Variants in DYNC2H1 observed in about 807,000 individuals in gnomAD.
DYNC2H1 encodes cytoplasmic dynein 2 heavy chain 1.
Under a neutral mutation model 570.0 loss-of-function variants are expected in DYNC2H1, and 410 were observed. That is an observed-to-expected ratio of 0.72 (90% CI 0.66 to 0.78). DYNC2H1 has a LOEUF of 0.78. DYNC2H1 is among the 30% of genes least tolerant of loss of function. The probability of loss-of-function intolerance (pLI) is 0.00; values close to 1 mark genes in which losing one functional copy is unlikely to be tolerated. For synonymous variants in DYNC2H1, 1,688 were observed against 1,677.6 expected (o/e 1.01, Z -0.15); for missense variants, 4,865 against 5,046.4 (o/e 0.96, Z 1.09).
At chr11:103,235,609 C>T in intron 61 of DYNC2H1, 63 bp from the exon 62 acceptor site, 1 of 1,440,154 alleles carries the variant, frequency 6.9e-7, no homozygotes, top group Non-Finnish European at 9.2e-7. Flanking sequence ...ATAAAACTGT[C>T]ATTTTCTTTA....
intron 69 of DYNC2H1, among the ~76,000 whole-genome samples, chr11:103,259,149 G>A (rs1340710604): frequency 6.6e-6 from 1 of 152,044 alleles, no homozygotes; most frequent in Non-Finnish European, 1.5e-5. Flanking sequence ...AAATCACAAG[G>A]AAGCAAGCAA....
intron 84 of DYNC2H1, among the ~76,000 whole-genome samples, chr11:103,420,462 T>G (rs974997790): frequency 1.3e-5 from 2 of 152,008 alleles, no homozygotes; most frequent in Admixed American, 6.6e-5. Flanking sequence ...GAAAAAGTAT[T>G]AAGGGCAGTC....
Position 103,156,760 on chromosome 11 carries a change from G to A in DYNC2H1, c.4117G>A (p.Glu1373Lys). Residue 1373 changes from glutamate (E) to lysine (K), a missense_variant, in exon 26 of 89, where the codon GAA becomes AAA. Coordinates refer to ENST00000375735, the MANE Select transcript of DYNC2H1 (RefSeq NM_001377.3). ...KEQTRFNRVD[E>K]DFRSIMTDIK... The stretch of plus-strand genomic sequence containing the variant: ...ACAGACACGCTTCAACAGAGTTGAT[G>A]AAGATTTTAGGTCAGTACAATGATG... 6.2e-7 allele frequency: 1 copy of A among 1,607,976 alleles called. No homozygotes were observed. Among genetic ancestry groups the A allele is most frequent in the Non-Finnish European group, 8.5e-7 (1 of 1,178,610 alleles).
chr11:103,335,031 C>T (rs1372115434), intron 82 of DYNC2H1, among the ~76,000 whole-genome samples: 1 of 152,016 alleles, frequency 6.6e-6, no homozygotes, highest in Non-Finnish European at 1.5e-5. Context: ...CCCATGATTA[C>T]CATATGTATT....
In DYNC2H1 at chr11:103,216,894, C is replaced by A. The variant is rs1017037738; in HGVS notation, c.8832+1036C>A. Among the ~76,000 whole-genome samples, 17 of 152,044 alleles carry A rather than the reference C, an allele frequency of 1.1e-4. 1 individual carries two copies. The highest frequency in any genetic ancestry group is 7.2e-5 in the African/African-American group (3 of 41,416). The stretch of plus-strand genomic sequence containing the variant: ...AAACTGAACTTATGAGTTTTCTTTC[C>A]TGTATTTCTTTCCTCAGATTATGGT... On this transcript the variant is annotated intron_variant, in intron 55 of 88. Transcript: ENST00000375735.
chr11:103,300,616 AT>A (rs1272612263), intron 75 of DYNC2H1, among the ~76,000 whole-genome samples: 10 of 152,016 alleles, frequency 6.6e-5, no homozygotes, highest in Admixed American at 4.6e-4. Flanking sequence ...ATTTTTCATG[AT>A]TTTTTTCTCC....
intron 84 of DYNC2H1, among the ~76,000 whole-genome samples, chr11:103,423,952 C>T (rs1943580156): frequency 6.6e-6 from 1 of 151,850 alleles, no homozygotes; most frequent in Admixed American, 6.6e-5. Flanking sequence ...GAACTTAATT[C>T]CACTTATAAT....
Position 103,253,451 on chromosome 11 carries a change from A to T in DYNC2H1, c.10206+3A>T. On this transcript the variant is annotated splice_donor_region_variant and intron_variant, in intron 66 of 88. Coordinates refer to ENST00000375735, the MANE Select transcript of DYNC2H1 (RefSeq NM_001377.3). ...CAAGAAGTGGATTACGAGGGCAGGT[A>T]TACATAGATAATAATAATTTACCTT... 1 of 1,597,728 alleles carries T rather than the reference A, an allele frequency of 6.3e-7. No homozygotes were observed. Among genetic ancestry groups the T allele is most frequent in the Non-Finnish European group, 8.5e-7 (1 of 1,170,604 alleles).
At position 103,439,004 on chromosome 11, in the gene DYNC2H1, A is replaced by G. The variant is rs2135760647; in HGVS notation, c.12456+2972A>G. Among the ~76,000 whole-genome samples, 1 of 152,252 alleles carries G rather than the reference A, an allele frequency of 6.6e-6. No homozygotes were observed. Among genetic ancestry groups the G allele is most frequent in the East Asian group, 1.9e-4 (1 of 5,178 alleles). On this transcript the variant is annotated intron_variant, in intron 85 of 88. Coordinates refer to ENST00000375735, the MANE Select transcript of DYNC2H1 (RefSeq NM_001377.3). The surrounding 1 kb of genome is among the most constrained non-coding windows in gnomAD (Gnocchi z 4.1). ...AAAAAAAGATAATTCCGCAAATGTG[A>G]TTAATACTTTCCTGGTGCCAAACAC...
At position 103,255,541 on chromosome 11, in the gene DYNC2H1, G is replaced by A. The variant is rs1042368609; in HGVS notation, c.10326+7G>A. On this transcript the variant is annotated splice_region_variant and intron_variant, in intron 67 of 88. Transcript: ENST00000375735. ...CGAAGAATCTCTTCTAGAGGTAAAAGTCTAGCTATTTAGGTTACTTTTTTC... is the reference window on the plus strand; with the variant it reads ...CGAAGAATCTCTTCTAGAGGTAAAAATCTAGCTATTTAGGTTACTTTTTTC... The A allele has an allele frequency of 6.5e-6, 10 of 1,529,276 alleles. No individual in the cohort carries two copies. The East Asian group carries it at 7.5e-5, about 11-fold the overall frequency. The allele number at this position is 1,529,276 out of a possible 1,614,324, so 94.7% of individuals were successfully genotyped here. A position where few individuals can be genotyped will look rare whatever the true frequency, so the allele number is the denominator to read the frequency against.
At position 103,211,882 on chromosome 11, in the gene DYNC2H1, T is replaced by C. The variant is rs202026739; in HGVS notation, c.8633T>C (p.Val2878Ala). 10 of 1,537,046 alleles carry C rather than the reference T, an allele frequency of 6.5e-6. No homozygotes were observed. In the African/African-American group the frequency reaches 1.4e-4, roughly 21 times the overall value. ...AGCCGATACATGACCTTTTTACATG[T>C]GTATTCTGCCATTAGTAGTAGCAAG... Reference protein sequence around the residue: ...TPSRYMTFLHVYSAISSSKKK... With the variant: ...TPSRYMTFLHAYSAISSSKKK... Residue 2878 changes from valine to alanine, a missense_variant, in exon 54 of 89, where the codon GTG becomes GCG. Coordinates refer to ENST00000375735, the MANE Select transcript of DYNC2H1 (RefSeq NM_001377.3).
intron 50 of DYNC2H1, among the ~76,000 whole-genome samples, chr11:103,202,293 G>GTTTTTTTTTTT (rs1318165052): frequency 2.1e-5 from 1 of 47,184 alleles, no homozygotes; most frequent in Non-Finnish European, 3.5e-5. Context: ...CAGAAACACA[G>GTTTTTTTTTTT]ATTTTTTTTT....
chr11:103,413,779 T>C (rs941673081), intron 84 of DYNC2H1, among the ~76,000 whole-genome samples: 1 of 152,182 alleles, frequency 6.6e-6, no homozygotes, highest in Non-Finnish European at 1.5e-5. Context: ...TTTTTATTGA[T>C]TTAAGGGAAA....
intron 1 of DYNC2H1, 33 bp from the exon 2 acceptor site, chr11:103,113,504 G>T: frequency 6.9e-7 from 1 of 1,440,892 alleles, no homozygotes; most frequent in Non-Finnish European, 9.2e-7. Context: ...TAAATTTTAT[G>T]AAGATAACAT....
intron 83 of DYNC2H1, among the ~76,000 whole-genome samples, chr11:103,394,927 G>A (rs1234222501): frequency 6.6e-6 from 1 of 151,894 alleles, no homozygotes; most frequent in Non-Finnish European, 1.5e-5. Context: ...TATAATCTTT[G>A]AATTCCCTGA....
intron 52 of DYNC2H1, among the ~76,000 whole-genome samples, chr11:103,208,424 A>G (rs1401508125): frequency 6.6e-6 from 1 of 152,064 alleles, no homozygotes; most frequent in African/African-American, 2.4e-5. Context: ...GATGATTTTG[A>G]ATTAGTGATG....
chr11:103,134,289 C>G (rs776659756), intron 14 of DYNC2H1, 32 bp from the exon 15 acceptor site: 15 of 1,595,732 alleles, frequency 9.4e-6, no homozygotes, highest in Admixed American at 1.7e-5. Flanking sequence ...TCCAGCAATA[C>G]TTTGAGACTA....
At chr11:103,349,271 A>G (rs1222802241) in intron 82 of DYNC2H1, among the ~76,000 whole-genome samples, 1 of 152,134 alleles carries the variant, frequency 6.6e-6, no homozygotes, top group Non-Finnish European at 1.5e-5. Flanking sequence ...TTCAAATGTG[A>G]TATATAATAG....
At chr11:103,211,761 G>C in intron 53 of DYNC2H1, 28 bp from the exon 54 acceptor site, 1 of 989,584 alleles carries the variant, frequency 1.0e-6, no homozygotes, top group South Asian at 2.1e-5. Context: ...CATATAATAA[G>C]TTATTTTTAT....
Sources: gnomAD v4.1 joint callset for allele counts (sites outside exome capture counted in the v4.1 genomes callset) on GRCh38, gnomAD v4.1.1 for gene constraint, Gnocchi (gnomAD v3.1) non-coding constraint, MANE v1.5 for transcripts, NCBI Gene and HGNC (gene_info 2026-07-23, HGNC 2026-07-21) for gene names.